The following FSTL4 variants were observed in gnomAD, a reference collection of about 807,000 sequenced individuals.
The protein encoded by FSTL4 is follistatin like 4.
A neutral mutation model predicts 78.2 loss-of-function variants in FSTL4; 28 were observed. That is an observed-to-expected ratio of 0.36 (90% CI 0.27 to 0.49). The LOEUF is 0.49. Among genes scored for constraint, FSTL4 ranks in the 20% least tolerant of loss-of-function variants. The pLI is 0.98. For synonymous variants in FSTL4, 422 were observed against 440.5 expected, an observed-to-expected ratio of 0.96 and a Z score of 0.53; for missense variants, 922 against 1,084.9, an observed-to-expected ratio of 0.85 and a Z score of 2.11.
chr5:133,599,065 A>G (rs1467872112), intron 2 of FSTL4, among the ~76,000 whole-genome samples: 2 of 152,182 alleles, frequency 1.3e-5, no homozygotes, highest in Non-Finnish European at 2.9e-5. Flanking sequence ...GAGCACAGTC[A>G]GGGTTATGGG....
intron 12 of FSTL4, among the ~76,000 whole-genome samples, chr5:133,220,239 G>A (rs1751048174): frequency 6.6e-6 from 1 of 152,368 alleles, no homozygotes; most frequent in South Asian, 2.1e-4. Flanking sequence ...AGGGTATCCT[G>A]CAAGGCCAAG....
At chr5:133,656,552 G>T in the FSTL4 span, among the ~76,000 whole-genome samples, 5 of 152,110 alleles carry the variant, frequency 3.3e-5, no homozygotes, top group Non-Finnish European at 7.4e-5. Flanking sequence ...AACAGCTTCT[G>T]CTTGAGCGTT....
chr5:133,435,666 C>T (rs530726370), intron 3 of FSTL4, among the ~76,000 whole-genome samples: 1 of 152,260 alleles, frequency 6.6e-6, no homozygotes, highest in South Asian at 2.1e-4. Context: ...TTGCTCCTGG[C>T]CTTTCTGTTC....
intron 3 of FSTL4, among the ~76,000 whole-genome samples, chr5:133,520,762 C>T (rs2112897642): frequency 6.6e-6 from 1 of 152,048 alleles, no homozygotes; most frequent in East Asian, 1.9e-4. Flanking sequence ...TCTCACTGTG[C>T]ATAATATAGA....
At chr5:133,557,859 T>C (rs1489371300) in intron 3 of FSTL4, among the ~76,000 whole-genome samples, 1 of 152,186 alleles carries the variant, frequency 6.6e-6, no homozygotes, top group Non-Finnish European at 1.5e-5. Flanking sequence ...GGGTTTGTTA[T>C]TTGCAACAAA....
chr5:133,777,364 A>AT, the FSTL4 span, among the ~76,000 whole-genome samples: 1 of 152,224 alleles, frequency 6.6e-6, no homozygotes, highest in Non-Finnish European at 1.5e-5. Context: ...ATGCACCAAA[A>AT]TGCTAATAGT....
At chr5:133,206,697 A>T (rs1293956971) in intron 14 of FSTL4, among the ~76,000 whole-genome samples, 1 of 152,166 alleles carries the variant, frequency 6.6e-6, no homozygotes, top group Non-Finnish European at 1.5e-5. Context: ...TGTATCTGGA[A>T]TAAAATTCCC....
In FSTL4 at chr5:133,394,823, T is replaced by C. The variant is rs571979773; in HGVS notation, c.409+5915A>G. Among the ~76,000 whole-genome samples the C allele has an allele frequency of 2.0e-5, 3 of 152,374 alleles. No homozygotes were observed. In the East Asian group the frequency reaches 5.8e-4, roughly 29 times the overall value. On this transcript the variant is annotated intron_variant, in intron 4 of 15. Transcript: ENST00000265342. ...AAGCCAGCTGGGCTCCTGAGTCTAG[T>C]AGGGACTTGGAGAACTTTTATGTCT... is the stretch of plus-strand genomic sequence containing the variant.
At chr5:133,496,235 A>C (rs1229323342) in intron 3 of FSTL4, among the ~76,000 whole-genome samples, 6 of 152,230 alleles carry the variant, frequency 3.9e-5, no homozygotes, top group Non-Finnish European at 8.8e-5. Context: ...AGATGTAGCA[A>C]ATGCTCTGTA....
intron 3 of FSTL4, among the ~76,000 whole-genome samples, chr5:133,514,692 C>T (rs895716675): frequency 1.3e-5 from 2 of 152,098 alleles, no homozygotes; most frequent in African/African-American, 4.8e-5. Flanking sequence ...CTACACTTAC[C>T]CAAATAAACA....
chr5:133,827,059 G>A, the FSTL4 span, among the ~76,000 whole-genome samples: 3 of 152,212 alleles, frequency 2.0e-5, no homozygotes, highest in Admixed American at 6.5e-5. Context: ...TTGTGGGTCC[G>A]TAAAGACGGC....
At chr5:133,424,249 C>T (rs977532178) in intron 3 of FSTL4, among the ~76,000 whole-genome samples, 2 of 152,156 alleles carry the variant, frequency 1.3e-5, no homozygotes, top group African/African-American at 4.8e-5. Flanking sequence ...TTCTGCTGCG[C>T]GGGTAACCAC....
chr5:133,291,011 G>A (rs1013161410), intron 6 of FSTL4, among the ~76,000 whole-genome samples: 2 of 152,222 alleles, frequency 1.3e-5, no homozygotes, highest in African/African-American at 4.8e-5. Context: ...CTCCGTCTCC[G>A]ACTCCCCACC....
intron 3 of FSTL4, among the ~76,000 whole-genome samples, chr5:133,412,831 T>A (rs1756506336): frequency 6.6e-6 from 1 of 152,188 alleles, no homozygotes; most frequent in African/African-American, 2.4e-5. Context: ...ACACTCTATG[T>A]ACTCATCAGA....
intron 6 of FSTL4, among the ~76,000 whole-genome samples, chr5:133,257,764 G>A (rs1173941918): frequency 6.6e-6 from 1 of 152,144 alleles, no homozygotes; most frequent in East Asian, 1.9e-4. Flanking sequence ...ACCTCCGCTG[G>A]TTCCTGTGTG....
the FSTL4 span, among the ~76,000 whole-genome samples, chr5:133,624,625 T>A: frequency 6.6e-6 from 1 of 151,926 alleles, no homozygotes; most frequent in Non-Finnish European, 1.5e-5. Context: ...CAAGCACATT[T>A]AGTGGGTTTA....
At chr5:133,484,213 C>T (rs1256979303) in intron 3 of FSTL4, among the ~76,000 whole-genome samples, 6 of 152,216 alleles carry the variant, frequency 3.9e-5, no homozygotes, top group Non-Finnish European at 4.4e-5. Flanking sequence ...ACAAGTGGCA[C>T]CATCATCATC....
chr5:133,409,749 AC>A (rs1400313585), intron 3 of FSTL4, among the ~76,000 whole-genome samples: 1 of 152,202 alleles, frequency 6.6e-6, no homozygotes, highest in Non-Finnish European at 1.5e-5. Context: ...TGCTGCAGAG[AC>A]CCAAGACTGG....
the FSTL4 span, among the ~76,000 whole-genome samples, chr5:133,741,871 C>A: frequency 5.3e-5 from 8 of 152,288 alleles, no homozygotes; most frequent in Admixed American, 4.6e-4. Flanking sequence ...ATGTTTCTAT[C>A]CTCAAGAAGA....
Sources: gnomAD v4.1 joint callset for allele counts (sites outside exome capture counted in the v4.1 genomes callset) on GRCh38, gnomAD v4.1.1 for gene constraint, MANE v1.5 for transcripts, NCBI Gene and HGNC (gene_info 2026-07-23, HGNC 2026-07-21) for gene names.